The following NPAS2 variants were observed in gnomAD, a reference collection of about 807,000 sequenced individuals.
The protein encoded by NPAS2 is neuronal PAS domain-containing protein 2.
In NPAS2, 23 loss-of-function variants were observed where a neutral mutation model predicts 107.5. The ratio of observed to expected loss-of-function variants is 0.21; its 90% CI spans 0.15 to 0.30. NPAS2 has a LOEUF of 0.30. NPAS2 is among the 10% of genes least tolerant of loss of function. The pLI is 1.00. For missense variants in NPAS2, 756 were observed against 1,043.3 expected (o/e 0.72, Z 3.79); for synonymous variants, 403 against 417.5 (o/e 0.97, Z 0.42).
At position 100,901,268 on chromosome 2, in the gene NPAS2, C is replaced by T. The variant is rs142670094; in HGVS notation, c.-22-3465C>T. ...TTTGTGGCACAGGCTATAATCAATACGGTTGTCACTCATTTTGTTGCTCAG... is the reference window on the plus strand; with the variant it reads ...TTTGTGGCACAGGCTATAATCAATATGGTTGTCACTCATTTTGTTGCTCAG... On this transcript the variant is annotated intron_variant, in intron 1 of 20. Transcript: ENST00000335681. Among the ~76,000 whole-genome samples, 133 of 152,202 alleles carry T rather than the reference C, an allele frequency of 8.7e-4. 1 individual carries two copies. The highest frequency in any genetic ancestry group is 1.3e-3 in the Non-Finnish European group (91 of 68,022).
rs549174509 is a variant in NPAS2 at position 100,821,316 on chromosome 2, C to A, written c.-23+902C>A. On this transcript the variant is annotated intron_variant, in intron 1 of 20. Coordinates refer to ENST00000335681, the MANE Select transcript of NPAS2 (RefSeq NM_002518.4). ...CACTTCCACAAAGTCTAAACACTCC[C>A]GAGCTTGTGTCCGGGAGGCTTTAGT... The A allele has an allele frequency of 1.1e-5, 10 of 876,520 alleles. No individual in the cohort carries two copies. In the African/African-American group the frequency reaches 1.4e-4, roughly 13 times the overall value. 54.3% of individuals were successfully genotyped at this position (876,520 alleles called of 1,614,324 possible).
intron 1 of NPAS2, among the ~76,000 whole-genome samples, chr2:100,861,661 A>G (rs1188915035): frequency 6.6e-6 from 1 of 152,152 alleles, no homozygotes; most frequent in Non-Finnish European, 1.5e-5. Flanking sequence ...AGATTTGACC[A>G]CACACCTGGG....
rs545794739 is a variant in NPAS2 at position 100,929,202 on chromosome 2, G to A, written c.182-3708G>A. Among the ~76,000 whole-genome samples the A allele has an allele frequency of 4.6e-5, 7 of 152,228 alleles. No individual in the cohort carries two copies. The South Asian group carries it at 1.5e-3, about 32-fold the overall frequency. On this transcript the variant is annotated intron_variant, in intron 3 of 20. Transcript: ENST00000335681. ...TCACAGACGTGAGCCACTGCACCCGGCCCATGGCAGCACTTTGAGTTAGTT... is the reference window on the plus strand; with the variant it reads ...TCACAGACGTGAGCCACTGCACCCGACCCATGGCAGCACTTTGAGTTAGTT...
chr2:100,845,453 A>G (rs950823010), intron 1 of NPAS2, among the ~76,000 whole-genome samples: 3 of 152,192 alleles, frequency 2.0e-5, no homozygotes, highest in Non-Finnish European at 4.4e-5. Flanking sequence ...CTCAGTGCCA[A>G]TGTAGCACTG....
chr2:100,944,122 G>A (rs1413036454), intron 5 of NPAS2, among the ~76,000 whole-genome samples: 1 of 152,164 alleles, frequency 6.6e-6, no homozygotes, highest in Non-Finnish European at 1.5e-5. Flanking sequence ...CTGAATCTAA[G>A]TGGATCAAAT....
intron 16 of NPAS2, chr2:100,984,178 T>C (rs1329682065): frequency 6.6e-6 from 1 of 152,256 alleles, no homozygotes; most frequent in Non-Finnish European, 1.5e-5. Context: ...TGAGGCCTTA[T>C]CTTTGCAGTG....
chr2:100,907,489 AACACACAC>A (rs55951417), intron 2 of NPAS2, among the ~76,000 whole-genome samples: 7 of 144,664 alleles, frequency 4.8e-5, no homozygotes, highest in Non-Finnish European at 9.1e-5. Flanking sequence ...AACACTTGGG[AACACACAC>A]ACACACACAC....
intron 6 of NPAS2, among the ~76,000 whole-genome samples, chr2:100,949,139 T>A (rs1675074271): frequency 6.6e-6 from 1 of 152,146 alleles, no homozygotes; most frequent in Admixed American, 6.5e-5. Flanking sequence ...GGGAGCAAAT[T>A]AAGACTAATT....
rs752772462 is a variant in NPAS2 at position 100,971,081 on chromosome 2, C to A, written c.1140+7C>A. The stretch of plus-strand genomic sequence containing the variant: ...CCACTCCTCAGCACTAAAGGTACGC[C>A]CATCCCTGCCAGATGGATACGGCAA... On this transcript the variant is annotated splice_region_variant and intron_variant, in intron 12 of 20. Coordinates refer to ENST00000335681, the MANE Select transcript of NPAS2 (RefSeq NM_002518.4). The A allele has an allele frequency of 5.1e-5, 82 of 1,613,426 alleles. No homozygotes were observed. The highest frequency in any genetic ancestry group is 6.7e-5 in the Non-Finnish European group (79 of 1,179,466).
chr2:100,819,840 G>T (rs2104288305), upstream of NPAS2, among the ~76,000 whole-genome samples: 1 of 151,898 alleles, frequency 6.6e-6, no homozygotes, highest in Admixed American at 6.5e-5. The surrounding 1 kb of genome is among the most constrained non-coding windows in gnomAD (Gnocchi z 5.8). Context: ...TGCGCCCCAG[G>T]CCCGACCCCG....
chr2:100,833,952 A>G (rs1676895448), intron 1 of NPAS2, among the ~76,000 whole-genome samples: 1 of 151,938 alleles, frequency 6.6e-6, no homozygotes, highest in Admixed American at 6.6e-5. Context: ...TTGGAGACAC[A>G]CTCCCAATTC....
chr2:100,981,025 C>CAGCA (rs1183894254), intron 15 of NPAS2, among the ~76,000 whole-genome samples: 1 of 152,170 alleles, frequency 6.6e-6, no homozygotes, highest in Non-Finnish European at 1.5e-5. Context: ...TTGCCTGGGG[C>CAGCA]AGCAGCTGGC....
intron 1 of NPAS2, among the ~76,000 whole-genome samples, chr2:100,883,139 A>G (rs1680477516): frequency 6.6e-6 from 1 of 152,254 alleles, no homozygotes; most frequent in Non-Finnish European, 1.5e-5. Flanking sequence ...CCACAGGAGC[A>G]GATGACCCAC....
intron 4 of NPAS2, among the ~76,000 whole-genome samples, chr2:100,937,445 C>A (rs1358367163): frequency 7.9e-5 from 12 of 152,154 alleles, no homozygotes; most frequent in Admixed American, 3.3e-4. Context: ...CTGAATCAGG[C>A]TAATAATATG....
chr2:100,858,647 A>G (rs1678735159), intron 1 of NPAS2, among the ~76,000 whole-genome samples: 2 of 152,168 alleles, frequency 1.3e-5, no homozygotes, highest in African/African-American at 4.8e-5. Flanking sequence ...ATTACAGAAA[A>G]GAAATACATC....
chr2:100,904,462 A>T (rs762689464), intron 1 of NPAS2, among the ~76,000 whole-genome samples: 2 of 152,166 alleles, frequency 1.3e-5, no homozygotes, highest in Admixed American at 6.5e-5. Flanking sequence ...TGACTTTTCC[A>T]GAAGTTACTT....
At chr2:100,943,085 G>C (rs1000640344) in intron 5 of NPAS2, among the ~76,000 whole-genome samples, 3 of 152,148 alleles carry the variant, frequency 2.0e-5, no homozygotes, top group Admixed American at 1.3e-4. Flanking sequence ...TAGAATGGCT[G>C]GGTTGAGGGA....
At chr2:100,954,112 G>A (rs1044552699) in intron 7 of NPAS2, among the ~76,000 whole-genome samples, 7 of 152,214 alleles carry the variant, frequency 4.6e-5, no homozygotes, top group Admixed American at 4.6e-4. Context: ...GTATGAATAA[G>A]TGTAGTGGGA....
At chr2:100,946,880 G>C (rs552416933) in intron 5 of NPAS2, among the ~76,000 whole-genome samples, 3 of 152,320 alleles carry the variant, frequency 2.0e-5, no homozygotes, top group Non-Finnish European at 4.4e-5. Flanking sequence ...ACGAGAAGGA[G>C]AGAAGACAAA....
Sources: gnomAD v4.1 joint callset for allele counts (sites outside exome capture counted in the v4.1 genomes callset) on GRCh38, gnomAD v4.1.1 for gene constraint, Gnocchi (gnomAD v3.1) non-coding constraint, MANE v1.5 for transcripts, NCBI Gene and HGNC (gene_info 2026-07-23, HGNC 2026-07-21) for gene names.